ASB3: variants seen among roughly 807,000 people sequenced by gnomAD.
ASB3 encodes the protein ankyrin repeat and SOCS box protein 3.
A neutral mutation model predicts 54.5 loss-of-function variants in ASB3; 41 were observed. That is an observed-to-expected ratio of 0.75 (90% confidence interval 0.59 to 0.98). ASB3 has a LOEUF of 0.98. Ranked by LOEUF, ASB3 falls within the 50% of genes least tolerant of loss-of-function variation. ASB3 has a pLI of 0.00. For missense variants in ASB3, 733 were observed against 620.0 expected, an observed-to-expected ratio of 1.18 and a Z score of -1.94; for synonymous variants, 266 against 221.2, an observed-to-expected ratio of 1.20 and a Z score of -1.80.
intron 9 of ASB3, among the ~76,000 whole-genome samples, chr2:53,674,569 T>A (rs572401624): frequency 6.6e-6 from 1 of 152,190 alleles, no homozygotes; most frequent in Non-Finnish European, 1.5e-5. Flanking sequence ...ATCTATATCA[T>A]ACACACCCAC....
At chr2:53,757,388 T>C (rs1672894033) in intron 2 of ASB3, among the ~76,000 whole-genome samples, 1 of 152,236 alleles carries the variant, frequency 6.6e-6, no homozygotes, top group Non-Finnish European at 1.5e-5. Flanking sequence ...CAGAAAGCTG[T>C]CGTCCCGAAC....
chr2:53,670,468 G>GA lies in ASB3; in HGVS notation c.*34dup. ...TCTTTTGTCTCGATGATTTTTCAGA[G>GA]AAAAAAATTAGCTGTGTTAAGTAGT... On this transcript the variant is annotated 3_prime_UTR_variant, in exon 10 of 10. Transcript: ENST00000263634. 2 of 1,591,830 alleles carry GA rather than the reference G, an allele frequency of 1.3e-6. No individual in the cohort carries two copies. Among genetic ancestry groups the GA allele is most frequent in the South Asian group, 1.2e-5 (1 of 86,452 alleles).
intron 5 of ASB3, among the ~76,000 whole-genome samples, chr2:53,718,819 G>A (rs777038127): frequency 2.0e-5 from 3 of 151,368 alleles, no homozygotes; most frequent in Non-Finnish European, 2.9e-5. Flanking sequence ...CAAGAGACAC[G>A]TCTCACATGT....
At chr2:53,753,686 G>C (rs985971346) in intron 2 of ASB3, among the ~76,000 whole-genome samples, 6 of 151,588 alleles carry the variant, frequency 4.0e-5, no homozygotes, top group Non-Finnish European at 8.8e-5. Context: ...GCCCAGGATG[G>C]AGTGCAGTGG....
chr2:53,676,549 C>T (rs1448759612), intron 9 of ASB3, among the ~76,000 whole-genome samples: 1 of 152,186 alleles, frequency 6.6e-6, no homozygotes, highest in Non-Finnish European at 1.5e-5. Context: ...CTAGTGATGT[C>T]ACAGGTGTCA....
At chr2:53,718,803 T>C (rs1670538823) in intron 5 of ASB3, among the ~76,000 whole-genome samples, 1 of 151,318 alleles carries the variant, frequency 6.6e-6, no homozygotes, top group Admixed American at 6.6e-5. Context: ...ATCCATCTGC[T>C]GCCTTCAAGA....
intron 2 of ASB3, among the ~76,000 whole-genome samples, chr2:53,757,128 G>A (rs530185372): frequency 2.1e-4 from 32 of 152,302 alleles, no homozygotes; most frequent in African/African-American, 5.5e-4. Context: ...CCTCAAAAGC[G>A]GTGAGTAATA....
intron 1 of ASB3, among the ~76,000 whole-genome samples, chr2:53,781,725 C>A (rs1674661282): frequency 6.6e-6 from 1 of 152,150 alleles, no homozygotes; most frequent in Non-Finnish European, 1.5e-5. Flanking sequence ...GAATTCCCAA[C>A]CTCAGGTGAT....
At chr2:53,769,031 T>C (rs973135263) in intron 1 of ASB3, among the ~76,000 whole-genome samples, 4 of 152,252 alleles carry the variant, frequency 2.6e-5, no homozygotes, top group Non-Finnish European at 5.9e-5. Flanking sequence ...AGTTAAGAAC[T>C]TGGCTTTTAA....
At chr2:53,786,127 T>TC (rs1474792291) in intron 1 of ASB3, among the ~76,000 whole-genome samples, 1 of 152,138 alleles carries the variant, frequency 6.6e-6, no homozygotes, top group Non-Finnish European at 1.5e-5. Flanking sequence ...ACACTCTATG[T>TC]CCATTATATT....
intron 3 of ASB3, among the ~76,000 whole-genome samples, chr2:53,738,132 G>A (rs950039179): frequency 6.6e-6 from 1 of 152,194 alleles, no homozygotes; most frequent in East Asian, 1.9e-4. Context: ...AAGCCTGATA[G>A]TGTAGAGGCC....
intron 9 of ASB3, among the ~76,000 whole-genome samples, chr2:53,693,668 T>A (rs553547619): frequency 1.3e-5 from 2 of 152,272 alleles, no homozygotes; most frequent in African/African-American, 4.8e-5. Flanking sequence ...TTTCTTTATA[T>A]GTTCCTTAGG....
chr2:53,782,548 G>T (rs148735696), intron 1 of ASB3, among the ~76,000 whole-genome samples: 30 of 152,216 alleles, frequency 2.0e-4, no homozygotes, highest in African/African-American at 6.7e-4. Context: ...CAAAACGCCT[G>T]GCAGCAACAG....
chr2:53,677,307 AT>A (rs1188082809), intron 9 of ASB3, among the ~76,000 whole-genome samples: 1 of 152,182 alleles, frequency 6.6e-6, no homozygotes, highest in African/African-American at 2.4e-5. Flanking sequence ...CTCAGACTGT[AT>A]CCCCGTTGTT....
At chr2:53,710,316 T>A in intron 7 of ASB3, among the ~76,000 whole-genome samples, 1 of 152,262 alleles carries the variant, frequency 6.6e-6, no homozygotes, top group East Asian at 1.9e-4. Context: ...TGTAGTAAAT[T>A]TTTCATTGCA....
chr2:53,775,699 C>T (rs937327155), intron 1 of ASB3, among the ~76,000 whole-genome samples: 7 of 152,206 alleles, frequency 4.6e-5, no homozygotes, highest in African/African-American at 7.2e-5. Flanking sequence ...TGGTCTCGAT[C>T]TCCTGACCTC....
At chr2:53,701,222 G>A (rs1026442446) in intron 7 of ASB3, among the ~76,000 whole-genome samples, 2 of 151,832 alleles carry the variant, frequency 1.3e-5, no homozygotes, top group East Asian at 3.9e-4. Context: ...GAATCCTCCC[G>A]CTTTGGTCTC....
At chr2:53,760,915 C>A (rs1673107131) in intron 2 of ASB3, among the ~76,000 whole-genome samples, 1 of 152,164 alleles carries the variant, frequency 6.6e-6, no homozygotes, top group Non-Finnish European at 1.5e-5. Flanking sequence ...TGACTAAGAT[C>A]TACCGTGGAC....
intron 2 of ASB3, among the ~76,000 whole-genome samples, chr2:53,756,135 CAGCTTG>C (rs1672811319): frequency 6.6e-6 from 1 of 152,064 alleles, no homozygotes; most frequent in Non-Finnish European, 1.5e-5. Flanking sequence ...CACTGTACTC[CAGCTTG>C]AGCAACAGAG....
Sources: allele counts gnomAD v4.1 joint callset (sites outside exome capture counted in the v4.1 genomes callset), GRCh38; gene constraint gnomAD v4.1.1; transcripts MANE v1.5; gene names NCBI Gene and HGNC (gene_info 2026-07-23, HGNC 2026-07-21).